CASK: variants seen among roughly 807,000 people sequenced by gnomAD.
The protein encoded by CASK is calcium/calmodulin dependent serine protein kinase.
Under a neutral mutation model 82.9 loss-of-function variants are expected in CASK, and 4 were observed. The ratio of observed to expected loss-of-function variants is 0.05; its 90% CI spans 0.02 to 0.11. The LOEUF is 0.11. CASK is among the 10% of genes least tolerant of loss of function. The probability of loss-of-function intolerance (pLI) is 1.00; values close to 1 mark genes in which losing one functional copy is unlikely to be tolerated. For synonymous variants in CASK, 259 were observed against 253.5 expected, an observed-to-expected ratio of 1.02 and a Z score of -0.20; for missense variants, 358 against 720.9, an observed-to-expected ratio of 0.50 and a Z score of 5.76.
intron 5 of CASK, among the ~76,000 whole-genome samples, chrX:41,736,458 C>T (rs1337682437): frequency 1.8e-5 from 2 of 111,906 alleles, no homozygotes; most frequent in African/African-American, 6.5e-5. Context: ...CGAGATTGCG[C>T]CACTGCACTC....
chrX:41,922,844 G>C, intron 1 of CASK, 86 bp downstream of exon 1: 1 of 846,310 alleles, frequency 1.2e-6, no homozygotes, highest in Non-Finnish European at 1.8e-6. Flanking sequence ...GGAGGGCAGG[G>C]GGCAGGCCCC....
intron 14 of CASK, among the ~76,000 whole-genome samples, chrX:41,582,460 C>T (rs1001322169): frequency 6.3e-5 from 7 of 110,946 alleles, no homozygotes; most frequent in Admixed American, 4.8e-4. Context: ...GGACTACAGG[C>T]GCCCACCACC....
chrX:41,667,649 T>C (rs1317032027), intron 6 of CASK, among the ~76,000 whole-genome samples: 1 of 111,452 alleles, frequency 9.0e-6, no homozygotes, highest in East Asian at 2.8e-4. Context: ...AGTCTCAAAC[T>C]CCTGGGCTCA....
intron 11 of CASK, among the ~76,000 whole-genome samples, chrX:41,611,683 CTCTCCCTCTCCCTCTCCCCACGG>C: frequency 3.0e-5 from 2 of 66,171 alleles, no homozygotes; most frequent in African/African-American, 1.1e-4. Flanking sequence ...CTCCCTCTCT[CTCTCCCTCTCCCTCTCCCCACGG>C]TCTCCCTCTC....
intron 11 of CASK, among the ~76,000 whole-genome samples, chrX:41,619,211 G>A (rs756602315): frequency 9.0e-6 from 1 of 111,199 alleles, no homozygotes; most frequent in South Asian, 3.8e-4. Context: ...GAACTTATTA[G>A]ATACTATAAT....
intron 22 of CASK, among the ~76,000 whole-genome samples, chrX:41,540,000 T>C (rs1451030282): frequency 8.9e-6 from 1 of 111,971 alleles, no homozygotes; most frequent in East Asian, 2.8e-4. Context: ...GAATCACAAA[T>C]AGGCCTAAAC....
intron 5 of CASK, among the ~76,000 whole-genome samples, chrX:41,738,043 C>T (rs1371784824): frequency 8.8e-6 from 1 of 113,224 alleles, no homozygotes; most frequent in Non-Finnish European, 1.9e-5. Flanking sequence ...GGCACAATCT[C>T]GGCTCACTGC....
At chrX:41,625,425 A>G (rs1388086160) in intron 10 of CASK, among the ~76,000 whole-genome samples, 2 of 110,727 alleles carry the variant, frequency 1.8e-5, no homozygotes, top group Non-Finnish European at 3.8e-5. Flanking sequence ...TGACCTCATC[A>G]TCTGCCCGCC....
At chrX:41,842,538 C>A (rs2071063749) in intron 2 of CASK, among the ~76,000 whole-genome samples, 1 of 106,820 alleles carries the variant, frequency 9.4e-6, no homozygotes, top group Admixed American at 1.0e-4. Context: ...GCACTCCAGC[C>A]TGGGTGACAA....
At chrX:41,634,315 A>C (rs987921889) in intron 9 of CASK, among the ~76,000 whole-genome samples, 2 of 112,647 alleles carry the variant, frequency 1.8e-5, no homozygotes, top group Non-Finnish European at 3.7e-5. Flanking sequence ...AACATGTTTT[A>C]ACAAGGTGGC....
At chrX:41,571,275 C>G (rs942775107) in intron 15 of CASK, among the ~76,000 whole-genome samples, 1 of 111,454 alleles carries the variant, frequency 9.0e-6, no homozygotes, top group Non-Finnish European at 1.9e-5. Flanking sequence ...ACAGAATTTA[C>G]CAGTGAAGCC....
At chrX:41,748,936 T>C (rs2068741092) in intron 3 of CASK, among the ~76,000 whole-genome samples, 1 of 111,949 alleles carries the variant, frequency 8.9e-6, no homozygotes, top group Non-Finnish European at 1.9e-5. Flanking sequence ...GGGGGTATTT[T>C]TAGGTTTCTA....
intron 3 of CASK, among the ~76,000 whole-genome samples, chrX:41,780,927 G>A (rs2069463039): frequency 9.0e-6 from 1 of 111,258 alleles, no homozygotes. Context: ...GGGATTACAG[G>A]TGTAAGCCAC....
chrX:41,759,686 G>T (rs2068965040), intron 3 of CASK, among the ~76,000 whole-genome samples: 1 of 111,337 alleles, frequency 9.0e-6, no homozygotes, highest in Non-Finnish European at 1.9e-5. Flanking sequence ...TAACCTTTCT[G>T]GGTTGATCAT....
chrX:41,710,787 G>C (rs1290866647), intron 5 of CASK, among the ~76,000 whole-genome samples: 1 of 111,257 alleles, frequency 9.0e-6, no homozygotes, highest in Admixed American at 9.5e-5. Flanking sequence ...GGAGGGGAGA[G>C]GGGCTGAAGG....
chrX:41,702,124 G>A (rs757464859), intron 5 of CASK, among the ~76,000 whole-genome samples: 7 of 111,271 alleles, frequency 6.3e-5, no homozygotes, highest in South Asian at 3.7e-4. Context: ...GGTGGCTCAC[G>A]CCTGTAATCC....
chrX:41,800,626 A>G (rs1461233297), intron 2 of CASK, among the ~76,000 whole-genome samples: 2 of 108,941 alleles, frequency 1.8e-5, no homozygotes, highest in East Asian at 5.8e-4. Flanking sequence ...AGCATTAGGT[A>G]TATCTCCTAA....
At chrX:41,620,097 G>C (rs919268633) in intron 11 of CASK, among the ~76,000 whole-genome samples, 5 of 111,582 alleles carry the variant, frequency 4.5e-5, no homozygotes, top group Admixed American at 2.9e-4. Context: ...CACTGTAATT[G>C]TTTCAATAAA....
intron 5 of CASK, among the ~76,000 whole-genome samples, chrX:41,719,764 G>A (rs181638820): frequency 8.9e-6 from 1 of 111,910 alleles, no homozygotes; most frequent in East Asian, 2.8e-4. Flanking sequence ...TCTTAAAAAA[G>A]GCAAAGGCAG....
Sources: allele counts gnomAD v4.1 joint callset (sites outside exome capture counted in the v4.1 genomes callset), GRCh38; gene constraint gnomAD v4.1.1; transcripts MANE v1.5; gene names NCBI Gene and HGNC (gene_info 2026-07-23, HGNC 2026-07-21).